The following ARSG variants were observed in gnomAD, a reference collection of about 807,000 sequenced individuals.
ARSG encodes ASG.
In ARSG, 37 loss-of-function variants were observed where a neutral mutation model predicts 50.5. The observed-to-expected ratio is 0.73, with a 90% confidence interval of 0.56 to 0.96. The LOEUF (loss-of-function observed/expected upper bound fraction) is 0.96, where lower values mean the gene tolerates loss of function less well. Ranked by LOEUF, ARSG falls within the 50% of genes least tolerant of loss-of-function variation. The probability of loss-of-function intolerance (pLI) is 0.00; values close to 1 mark genes in which losing one functional copy is unlikely to be tolerated. For missense variants in ARSG, 629 were observed against 675.3 expected, an observed-to-expected ratio of 0.93 and a Z score of 0.76; for synonymous variants, 225 against 254.6, an observed-to-expected ratio of 0.88 and a Z score of 1.11.
At chr17:68,263,926 C>T (rs1326882135) in intron 1 of ARSG, among the ~76,000 whole-genome samples, 1 of 151,922 alleles carries the variant, frequency 6.6e-6, no homozygotes, top group Non-Finnish European at 1.5e-5. Flanking sequence ...GGCGTGATCT[C>T]GACTCACTGC....
chr17:68,428,555 C>T, the ARSG span: 1 of 307,732 alleles, frequency 3.2e-6, no homozygotes, highest in Non-Finnish European at 6.2e-6. Flanking sequence ...TTTGAACACC[C>T]ACTGTGAGCT....
chr17:68,386,273 T>A (rs1295661037), intron 9 of ARSG, among the ~76,000 whole-genome samples: 4 of 152,194 alleles, frequency 2.6e-5, no homozygotes, highest in African/African-American at 9.7e-5. Flanking sequence ...AACCCTGTGC[T>A]CATTCATGTG....
chr17:68,334,236 A>G (rs1448106600), intron 2 of ARSG, among the ~76,000 whole-genome samples: 1 of 152,150 alleles, frequency 6.6e-6, no homozygotes. Flanking sequence ...TCACAGTGCA[A>G]TTTCACTGCT....
At chr17:68,434,548 A>T in the ARSG span, 42 of 1,613,736 alleles carry the variant, frequency 2.6e-5, no homozygotes, top group Non-Finnish European at 3.5e-5. Flanking sequence ...TTGACATTGA[A>T]CACAGACCTT....
chr17:68,447,758 C>T, the ARSG span, among the ~76,000 whole-genome samples: 13 of 152,004 alleles, frequency 8.6e-5, no homozygotes, highest in South Asian at 2.1e-4. Flanking sequence ...TTTGGGAGGC[C>T]GAGGTGGGTG....
At chr17:68,355,602 G>A (rs950903214) in intron 5 of ARSG, among the ~76,000 whole-genome samples, 1 of 152,124 alleles carries the variant, frequency 6.6e-6, no homozygotes, top group African/African-American at 2.4e-5. Flanking sequence ...TGATCCACCC[G>A]CCTTGGCCTC....
intron 4 of ARSG, among the ~76,000 whole-genome samples, chr17:68,350,206 T>C (rs1382052757): frequency 6.6e-6 from 1 of 151,978 alleles, no homozygotes; most frequent in Non-Finnish European, 1.5e-5. Flanking sequence ...AGCATGAGGC[T>C]CACAGGGAAC....
Position 68,395,206 on chromosome 17 carries a change from G to C in ARSG, c.1212+13G>C, listed in dbSNP as rs1247225782. ...GCCTGGGCACAGGGTAAGTGGAGGAGGTACTTGCCCACATGTAGGCTCTTT... is the reference window on the plus strand; with the variant it reads ...GCCTGGGCACAGGGTAAGTGGAGGACGTACTTGCCCACATGTAGGCTCTTT... On this transcript the variant is annotated intron_variant, in intron 10 of 11. Transcript: ENST00000621439. The C allele has an allele frequency of 6.2e-7, 1 of 1,613,514 alleles. No homozygotes were observed. Among genetic ancestry groups the C allele is most frequent in the East Asian group, 2.2e-5 (1 of 44,858 alleles).
intron 11 of ARSG, among the ~76,000 whole-genome samples, chr17:68,416,477 G>A (rs976779265): frequency 2.4e-4 from 36 of 152,098 alleles, no homozygotes; most frequent in Non-Finnish European, 4.9e-4. Context: ...AATTTCCCAG[G>A]TGTTCTTTGA....
rs2081392044 is a variant in ARSG, at chr17:68,399,711, T to C, written c.1213-1649T>C. Among the ~76,000 whole-genome samples, 1 of 152,236 alleles carries C rather than the reference T, an allele frequency of 6.6e-6. No homozygotes were observed. On this transcript the variant is annotated intron_variant, in intron 10 of 11. Transcript: ENST00000621439. The surrounding 1 kb of genome is among the most constrained non-coding windows in gnomAD (Gnocchi z 4.6). The stretch of plus-strand genomic sequence containing the variant: ...TAACGCCACATAAATAGTGGGAATA[T>C]AGCAGCCCACCCTCATGGAATTTCT...
At chr17:68,337,671 G>A (rs1370278820) in intron 2 of ARSG, among the ~76,000 whole-genome samples, 1 of 152,038 alleles carries the variant, frequency 6.6e-6, no homozygotes, top group Non-Finnish European at 1.5e-5. Context: ...AGGCTGGAGG[G>A]CAATGGCACG....
intron 2 of ARSG, among the ~76,000 whole-genome samples, chr17:68,338,160 G>A (rs139911718): frequency 4.6e-5 from 7 of 152,124 alleles, no homozygotes; most frequent in East Asian, 3.9e-4. Context: ...ACTTTCCTCC[G>A]TTCACATTGA....
chr17:68,310,279 G>T (rs1555766270), intron 2 of ARSG, among the ~76,000 whole-genome samples: 2 of 152,168 alleles, frequency 1.3e-5, no homozygotes, highest in South Asian at 4.1e-4. Flanking sequence ...AGAGTTTTTG[G>T]AGAACAGAAG....
In ARSG at chr17:68,356,583, T is replaced by A; in HGVS notation, c.567-84T>A. The A allele has an allele frequency of 3.4e-6, 5 of 1,475,578 alleles. No homozygotes were observed. The South Asian group carries it at 5.9e-5, about 18-fold the overall frequency. 91.4% of individuals were successfully genotyped at this position (1,475,578 alleles called of 1,614,324 possible). On this transcript the variant is annotated intron_variant, in intron 5 of 11. Transcript: ENST00000621439. ...GGCCAGAGTGTTGTATTTATGTGCA[T>A]ATGCATTGTTGCATTAAAGCATTTA...
At chr17:68,395,292 A>G in intron 10 of ARSG, 99 bp downstream of exon 10, 2 of 1,539,904 alleles carry the variant, frequency 1.3e-6, no homozygotes, top group Non-Finnish European at 1.8e-6. Context: ...GAAGATGGTC[A>G]AGAACAGGCT....
At chr17:68,379,831 A>C (rs934791289) in intron 8 of ARSG, 2 of 985,202 alleles carry the variant, frequency 2.0e-6, no homozygotes, top group African/African-American at 3.5e-5. Context: ...GATCTCTGCT[A>C]TTTTCTCCCT....
the ARSG span, chr17:68,433,392 T>G: frequency 7.8e-7 from 1 of 1,277,450 alleles, no homozygotes; most frequent in East Asian, 2.3e-5. Context: ...AGAAAAGAGA[T>G]CATTCATGCC....
At chr17:68,392,807 C>T (rs895987823) in intron 9 of ARSG, among the ~76,000 whole-genome samples, 3 of 152,236 alleles carry the variant, frequency 2.0e-5, no homozygotes, top group African/African-American at 7.2e-5. Context: ...GCCGCATTCA[C>T]TACTTTGTAA....
downstream of ARSG, chr17:68,424,580 C>A: frequency 2.0e-6 from 1 of 508,800 alleles, no homozygotes; most frequent in South Asian, 1.5e-5. Flanking sequence ...AGTCTTGGCC[C>A]AAACACTACT....
Sources: gnomAD v4.1 joint callset for allele counts (sites outside exome capture counted in the v4.1 genomes callset) on GRCh38, gnomAD v4.1.1 for gene constraint, Gnocchi (gnomAD v3.1) non-coding constraint, MANE v1.5 for transcripts, NCBI Gene and HGNC (gene_info 2026-07-23, HGNC 2026-07-21) for gene names.